TLN2: variants seen among roughly 807,000 people sequenced by gnomAD.
The protein encoded by TLN2 is talin-2.
TLN2 carries 118 observed loss-of-function variants against 294.7 expected under a neutral mutation model. That is an observed-to-expected ratio of 0.40 (90% CI 0.34 to 0.47). The LOEUF (loss-of-function observed/expected upper bound fraction) is 0.47, where lower values mean the gene tolerates loss of function less well. TLN2 is among the 20% of genes least tolerant of loss of function. The pLI, the probability that TLN2 is intolerant of heterozygous loss-of-function variation, is 0.84. For synonymous variants in TLN2, 1,431 were observed against 1,304.5 expected (o/e 1.10, Z -2.09); for missense variants, 3,083 against 3,282.2 (o/e 0.94, Z 1.48).
At chr15:62,662,438 TACAG>T (rs2053959479) in intron 9 of TLN2, among the ~76,000 whole-genome samples, 1 of 152,136 alleles carries the variant, frequency 6.6e-6, no homozygotes, top group Non-Finnish European at 1.5e-5. Context: ...CCAAAATGAA[TACAG>T]ACAATAGAAA....
intron 2 of TLN2, among the ~76,000 whole-genome samples, chr15:62,605,504 T>C (rs949980834): frequency 6.6e-6 from 1 of 152,178 alleles, no homozygotes; most frequent in Non-Finnish European, 1.5e-5. Context: ...GAACAGGCTC[T>C]GGGCTGAGCT....
chr15:62,810,458 CAGTGCTGCA>C (rs2066603142), intron 52 of TLN2, among the ~76,000 whole-genome samples: 1 of 152,100 alleles, frequency 6.6e-6, no homozygotes. Flanking sequence ...GGGAGGCTGC[CAGTGCTGCA>C]AGTGACCCAC....
chr15:62,535,838 C>T (rs2041319863), intron 1 of TLN2, among the ~76,000 whole-genome samples: 1 of 152,176 alleles, frequency 6.6e-6, no homozygotes, highest in African/African-American at 2.4e-5. Context: ...CAGGCGTGAG[C>T]CACCGTACCT....
intron 46 of TLN2, among the ~76,000 whole-genome samples, chr15:62,794,463 A>G (rs576674401): frequency 5.4e-4 from 82 of 152,158 alleles, no homozygotes; most frequent in African/African-American, 1.9e-3. Flanking sequence ...GTGGGATGCT[A>G]TTTCTGGACT....
At chr15:62,611,429 T>C (rs2047905697) in intron 2 of TLN2, among the ~76,000 whole-genome samples, 1 of 152,202 alleles carries the variant, frequency 6.6e-6, no homozygotes, top group African/African-American at 2.4e-5. Flanking sequence ...TTTCCCTTGA[T>C]AGACAGTAGT....
intron 1 of TLN2, among the ~76,000 whole-genome samples, chr15:62,506,436 C>CATGGGTGGT (rs991244633): frequency 2.6e-5 from 4 of 152,212 alleles, no homozygotes; most frequent in Admixed American, 1.3e-4. Context: ...GAGGTAGTCA[C>CATGGGTGGT]ATGGGTGGTA....
intron 1 of TLN2, among the ~76,000 whole-genome samples, chr15:62,588,660 T>G (rs1322223398): frequency 1.9e-5 from 2 of 107,018 alleles, no homozygotes; most frequent in Non-Finnish European, 3.7e-5. Flanking sequence ...TATATACATT[T>G]TTTTCATATA....
chr15:62,545,044 C>G (rs907985096), intron 1 of TLN2, among the ~76,000 whole-genome samples: 11 of 152,100 alleles, frequency 7.2e-5, no homozygotes, highest in Non-Finnish European at 1.6e-4. Context: ...ATTCTCCTGC[C>G]TCAGCCTCCC....
In TLN2 at chr15:62,753,853, G is replaced by A. The variant is rs766499453; in HGVS notation, c.4413G>A (p.Arg1471=). 3 of 1,611,634 alleles carry A rather than the reference G, an allele frequency of 1.9e-6. No individual in the cohort carries two copies. Among genetic ancestry groups the A allele is most frequent in the Non-Finnish European group, 2.5e-6 (3 of 1,179,112 alleles). The change falls in exon 36 of 59, where the codon AGG becomes AGA. Residue 1471 remains arginine (R), a synonymous_variant. Transcript: ENST00000636159. ...QGLVDPIQFA[R]ANQAIQMACQ... is the part of the protein sequence containing the mutation. ...TGGTGGACCCCATCCAGTTTGCCAG[G>A]GCTAACCAGGCCATCCAGATGGCAT...
rs1433191473 is a variant in TLN2, at chr15:62,414,544, G to T, written c.-238+23859G>T. Among the ~76,000 whole-genome samples, 2 of 140,448 alleles carry T rather than the reference G, an allele frequency of 1.4e-5. 1 individual carries two copies. Among genetic ancestry groups the T allele is most frequent in the Non-Finnish European group, 3.0e-5 (2 of 65,842 alleles). The allele number at this position is 140,448 out of a possible 152,430, so 92.1% of individuals were successfully genotyped here. On this transcript the variant is annotated intron_variant, in intron 1 of 58. Transcript: ENST00000636159. ...ACTGAACCATACGCTCTGGGCTGGGGCTCAGGAACCGTTGTTTTAACAAGT... is the reference window on the plus strand; with the variant it reads ...ACTGAACCATACGCTCTGGGCTGGGTCTCAGGAACCGTTGTTTTAACAAGT...
intron 1 of TLN2, among the ~76,000 whole-genome samples, chr15:62,429,220 T>A (rs1295613943): frequency 6.6e-6 from 1 of 151,946 alleles, no homozygotes; most frequent in Non-Finnish European, 1.5e-5. Flanking sequence ...GAGGAGAAGA[T>A]GCCTGGTAGC....
At chr15:62,810,930 G>A (rs2066638111) in intron 52 of TLN2, among the ~76,000 whole-genome samples, 1 of 152,202 alleles carries the variant, frequency 6.6e-6, no homozygotes, top group Non-Finnish European at 1.5e-5. Flanking sequence ...GGAGTGCCAA[G>A]CCCTTCATTT....
At chr15:62,611,415 C>G (rs1270998770) in intron 2 of TLN2, among the ~76,000 whole-genome samples, 1 of 152,150 alleles carries the variant, frequency 6.6e-6, no homozygotes, top group Admixed American at 6.5e-5. Flanking sequence ...GTTGAAGTAG[C>G]CTGTTTCCCT....
chr15:62,805,066 C>T (rs1567644140), intron 50 of TLN2, among the ~76,000 whole-genome samples: 1 of 152,224 alleles, frequency 6.6e-6, no homozygotes, highest in East Asian at 1.9e-4. Flanking sequence ...ACGTGAACAC[C>T]TCTGCACAAT....
chr15:62,555,039 C>G lies in TLN2; in HGVS notation c.-237-34648C>G, dbSNP rs16945271. 9.4e-3 allele frequency among the ~76,000 whole-genome samples: 1,418 copies of G among 150,562 alleles called. 23 individuals are homozygous for G. The highest frequency in any genetic ancestry group is 0.033 in the African/African-American group (1,351 of 41,126). On this transcript the variant is annotated intron_variant, in intron 1 of 58. Transcript: ENST00000636159. The stretch of plus-strand genomic sequence containing the variant: ...TCACTGGTTAGGAATTAGGAGATTT[C>G]TTCCCTGTGATATTCTTAGTTTACT...
At chr15:62,454,555 T>C (rs2036350919) in intron 1 of TLN2, among the ~76,000 whole-genome samples, 1 of 152,086 alleles carries the variant, frequency 6.6e-6, no homozygotes, top group Non-Finnish European at 1.5e-5. Flanking sequence ...AGGGGTGGGA[T>C]GTCTGGCAGA....
Position 62,444,553 on chromosome 15 carries a change from T to C in TLN2, c.-238+53868T>C, listed in dbSNP as rs985240995. On this transcript the variant is annotated intron_variant, in intron 1 of 58. Transcript: ENST00000636159. ...CCTCATTTCTTAGTCCTTTTGCCTT[T>C]GTCTCCATTTCCGGCACCAGCACAA... Among the ~76,000 whole-genome samples the C allele has an allele frequency of 5.3e-5, 8 of 152,272 alleles. No homozygotes were observed. In the South Asian group the frequency reaches 1.4e-3, roughly 28 times the overall value.
chr15:62,466,493 G>C (rs1189765378), intron 1 of TLN2, among the ~76,000 whole-genome samples: 1 of 152,232 alleles, frequency 6.6e-6, no homozygotes, highest in East Asian at 1.9e-4. Context: ...AGGTGTGACA[G>C]CCAAAAACGT....
At chr15:62,674,233 TG>T (rs1471281255) in intron 10 of TLN2, among the ~76,000 whole-genome samples, 1 of 152,188 alleles carries the variant, frequency 6.6e-6, no homozygotes, top group Admixed American at 6.5e-5. Flanking sequence ...ATTTGTTTTT[TG>T]AAAGTGGAAT....
Sources: allele counts gnomAD v4.1 joint callset (sites outside exome capture counted in the v4.1 genomes callset), GRCh38; gene constraint gnomAD v4.1.1; transcripts MANE v1.5; gene names NCBI Gene and HGNC (gene_info 2026-07-23, HGNC 2026-07-21).